Variants in SGIP1 observed in about 807,000 individuals in gnomAD.
The protein encoded by SGIP1 is SH3-containing GRB2-like protein 3-interacting protein 1.
SGIP1 carries 38 observed loss-of-function variants against 107.5 expected under a neutral mutation model. That is an observed-to-expected ratio of 0.35 (90% CI 0.27 to 0.46). The LOEUF is 0.46. Ranked by LOEUF, SGIP1 falls within the 20% of genes least tolerant of loss-of-function variation. The pLI, the probability that SGIP1 is intolerant of heterozygous loss-of-function variation, is 1.00. For missense variants in SGIP1, 929 were observed against 1,019.5 expected, an observed-to-expected ratio of 0.91 and a Z score of 1.21; for synonymous variants, 365 against 366.1, an observed-to-expected ratio of 1.00 and a Z score of 0.03.
In SGIP1 at chr1:66,673,221, T is replaced by A. The variant is rs1269196744; in HGVS notation, c.561-60T>A. ...AAAAATATGTGAAAGCTTGTATATCTTTTTGAGTATTAATTTTTGAGCCCT... is the reference window on the plus strand; with the variant it reads ...AAAAATATGTGAAAGCTTGTATATCATTTTGAGTATTAATTTTTGAGCCCT... On this transcript the variant is annotated intron_variant, in intron 11 of 24. Transcript: ENST00000371037. 2.6e-6 allele frequency: 4 copies of A among 1,520,310 alleles called. No individual in the cohort carries two copies. In the African/African-American group the frequency reaches 5.5e-5, roughly 21 times the overall value. The allele number at this position is 1,520,310 out of a possible 1,614,324, so 94.2% of individuals were successfully genotyped here. A position where few individuals can be genotyped will look rare whatever the true frequency, so the allele number is the denominator to read the frequency against.
chr1:66,617,409 A>G (rs573101606), intron 1 of SGIP1, among the ~76,000 whole-genome samples: 1 of 152,242 alleles, frequency 6.6e-6, no homozygotes, highest in African/African-American at 2.4e-5. Flanking sequence ...GAATTGGATT[A>G]CAGTGACTAT....
chr1:66,683,714 T>C (rs944776654), intron 15 of SGIP1, among the ~76,000 whole-genome samples: 5 of 129,578 alleles, frequency 3.9e-5, no homozygotes, highest in Non-Finnish European at 8.2e-5. Flanking sequence ...TTTTTTTTTT[T>C]TTTTTTTTTT....
intron 8 of SGIP1, among the ~76,000 whole-genome samples, chr1:66,664,781 A>G (rs1018521526): frequency 6.6e-6 from 1 of 150,950 alleles, no homozygotes; most frequent in African/African-American, 2.4e-5. Context: ...ATTAGCGCAC[A>G]TATTGAAAGG....
chr1:66,585,457 A>G (rs2062455723), intron 1 of SGIP1, among the ~76,000 whole-genome samples: 1 of 152,148 alleles, frequency 6.6e-6, no homozygotes, highest in Admixed American at 6.5e-5. Flanking sequence ...ATATCAAGTT[A>G]TGCTAACTTT....
intron 1 of SGIP1, among the ~76,000 whole-genome samples, chr1:66,620,088 C>A (rs1335022674): frequency 6.6e-6 from 1 of 152,104 alleles, no homozygotes; most frequent in Non-Finnish European, 1.5e-5. Flanking sequence ...TGGATCCCTA[C>A]AATTCCTATC....
Position 66,534,383 on chromosome 1 carries a change from G to A in SGIP1, c.10+15G>A. Reference sequence around the variant, plus strand: ...CATGATGGAAGGTAGGATGCTTTCTGCTATGGTTGACTGGCTTCAGGCAAG... The same window carrying A: ...CATGATGGAAGGTAGGATGCTTTCTACTATGGTTGACTGGCTTCAGGCAAG... On this transcript the variant is annotated intron_variant, in intron 1 of 24. Coordinates refer to ENST00000371037, the MANE Select transcript of SGIP1 (RefSeq NM_032291.4). 2 of 1,614,118 alleles carry A rather than the reference G, an allele frequency of 1.2e-6. No homozygotes were observed. The highest frequency in any genetic ancestry group is 1.7e-6 in the Non-Finnish European group (2 of 1,179,954).
At chr1:66,728,110 G>T (rs536527) in intron 19 of SGIP1, among the ~76,000 whole-genome samples, 60,853 of 151,884 alleles carry the variant, frequency 0.4, 13,084 homozygotes, top group African/African-American at 0.48. Flanking sequence ...ATATGACTGA[G>T]TTTACAATTT....
intron 17 of SGIP1, among the ~76,000 whole-genome samples, chr1:66,692,195 T>G (rs1374045584): frequency 6.6e-6 from 1 of 151,104 alleles, no homozygotes; most frequent in Non-Finnish European, 1.5e-5. Flanking sequence ...GAATTTGAAC[T>G]TTGTGTATGT....
chr1:66,635,015 C>G (rs116943948), intron 3 of SGIP1, among the ~76,000 whole-genome samples: 1 of 152,184 alleles, frequency 6.6e-6, no homozygotes, highest in Non-Finnish European at 1.5e-5. Context: ...CAAATTATTG[C>G]CTTTTGAATG....
At chr1:66,625,716 C>T in intron 1 of SGIP1, 131 bp from the exon 2 acceptor site, 1 of 692,726 alleles carries the variant, frequency 1.4e-6, no homozygotes, top group Admixed American at 2.7e-5. Context: ...GACACACATA[C>T]CTTTACATAC....
intron 2 of SGIP1, 57 bp downstream of exon 2, chr1:66,625,967 T>C: frequency 7.1e-7 from 1 of 1,407,194 alleles, no homozygotes; most frequent in African/African-American, 1.4e-5. Context: ...GAGATGCTCT[T>C]ATCACAGTCA....
chr1:66,637,299 A>T (rs1355907127), intron 4 of SGIP1, among the ~76,000 whole-genome samples: 1 of 152,212 alleles, frequency 6.6e-6, no homozygotes, highest in African/African-American at 2.4e-5. Flanking sequence ...CCAACAAAGA[A>T]TTGTTTTTTT....
intron 1 of SGIP1, among the ~76,000 whole-genome samples, chr1:66,571,958 G>A (rs1408237669): frequency 2.0e-5 from 3 of 151,964 alleles, no homozygotes; most frequent in African/African-American, 4.8e-5. Context: ...GCCAGAATTA[G>A]TCATTTTCTT....
intron 7 of SGIP1, among the ~76,000 whole-genome samples, chr1:66,656,798 TC>T (rs1016392792): frequency 3.9e-5 from 6 of 152,290 alleles, no homozygotes; most frequent in African/African-American, 1.4e-4. Flanking sequence ...ATCCTTTTGC[TC>T]CTTGTGAATA....
chr1:66,698,657 C>T (rs1226094316), intron 18 of SGIP1, among the ~76,000 whole-genome samples: 4 of 151,970 alleles, frequency 2.6e-5, no homozygotes, highest in African/African-American at 7.3e-5. Context: ...GGATTACAGG[C>T]GTGAGCCACG....
intron 1 of SGIP1, among the ~76,000 whole-genome samples, chr1:66,623,295 G>A (rs2071674374): frequency 6.6e-6 from 1 of 151,942 alleles, no homozygotes; most frequent in South Asian, 2.1e-4. Flanking sequence ...TGTCACCCAG[G>A]CTGGAGTGCA....
At chr1:66,712,494 A>ACACT (rs537188760) in intron 18 of SGIP1, among the ~76,000 whole-genome samples, 108 of 152,294 alleles carry the variant, frequency 7.1e-4, no homozygotes, top group African/African-American at 2.5e-3. Flanking sequence ...CAGGAGGTAA[A>ACACT]CACTCCTTTA....
chr1:66,637,455 TTGTGTGTGTGTGTGTG>T (rs879668501), intron 4 of SGIP1, among the ~76,000 whole-genome samples: 1 of 38,458 alleles, frequency 2.6e-5, no homozygotes, highest in Non-Finnish European at 4.4e-5. Flanking sequence ...GTGTGTGTGT[TTGTGTGTGTGTGTGTG>T]TGTGTGTGTG....
In SGIP1 at chr1:66,679,603, C is replaced by A. The variant is rs369145983; in HGVS notation, c.740-75C>A. On this transcript the variant is annotated intron_variant, in intron 13 of 24. Coordinates refer to ENST00000371037, the MANE Select transcript of SGIP1 (RefSeq NM_032291.4). The stretch of plus-strand genomic sequence containing the variant: ...CAGGAATATAACTGAAAGCCCAAAT[C>A]CTGCTTATTTAAAGTGTATTGTATG... 191 of 1,464,302 alleles carry A rather than the reference C, an allele frequency of 1.3e-4. 1 individual carries two copies. In the African/African-American group the frequency reaches 2.2e-3, roughly 17 times the overall value. The allele number at this position is 1,464,302 out of a possible 1,614,324, so 90.7% of individuals were successfully genotyped here. A position where few individuals can be genotyped will look rare whatever the true frequency, so the allele number is the denominator to read the frequency against.
Sources: allele counts gnomAD v4.1 joint callset (sites outside exome capture counted in the v4.1 genomes callset), GRCh38; gene constraint gnomAD v4.1.1; transcripts MANE v1.5; gene names NCBI Gene and HGNC (gene_info 2026-07-23, HGNC 2026-07-21).